Variants in EIF1 observed in about 807,000 individuals in gnomAD.
The protein encoded by EIF1 is eukaryotic translation initiation factor 1.
Under a neutral mutation model 13.7 loss-of-function variants are expected in EIF1, and 4 were observed. The observed-to-expected ratio is 0.29, with a 90% CI of 0.14 to 0.67. The LOEUF (loss-of-function observed/expected upper bound fraction) is 0.67, where lower values mean the gene tolerates loss of function less well. Ranked by LOEUF, EIF1 falls within the 30% of genes least tolerant of loss-of-function variation. EIF1 has a pLI of 0.77. For missense variants in EIF1, 64 were observed against 138.0 expected, an observed-to-expected ratio of 0.46 and a Z score of 2.69; for synonymous variants, 67 against 50.7, an observed-to-expected ratio of 1.32 and a Z score of -1.37.
Position 41,691,038 on chromosome 17 carries a change from C to A in EIF1, c.*212C>A. ...TGAAGTCCCTCATTTAAACAGAGGT[C>A]AAGCAATAGGCGCCTGGCAGTGTCA... On this transcript the variant is annotated 3_prime_UTR_variant, in exon 4 of 4. Coordinates refer to ENST00000469257, the MANE Select transcript of EIF1 (RefSeq NM_005801.4). 1 of 583,464 alleles carries A rather than the reference C, an allele frequency of 1.7e-6. No individual in the cohort carries two copies. The highest frequency in any genetic ancestry group is 2.2e-5 in the South Asian group (1 of 45,586). The allele number at this position is 583,464 out of a possible 1,614,324, so 36.1% of individuals were successfully genotyped here.
At chr17:41,689,515 C>T in intron 1 of EIF1, 1 of 473,330 alleles carries the variant, frequency 2.1e-6, no homozygotes, top group Non-Finnish European at 3.8e-6. Context: ...CTGGGTGGGG[C>T]ACCGCCTGGC....
chr17:41,689,192 C>A lies in EIF1; in HGVS notation c.31+123C>A, dbSNP rs566595196. On this transcript the variant is annotated intron_variant, in intron 1 of 3. Coordinates refer to ENST00000469257, the MANE Select transcript of EIF1 (RefSeq NM_005801.4). ...TAAGCTCGGGCAGGGGAAACTTGAC[C>A]AGGGTCGCAGGGCAGCGGGATCAAG... 3.6e-5 allele frequency: 41 copies of A among 1,134,056 alleles called. No individual in the cohort carries two copies. In the East Asian group the frequency reaches 8.5e-4, roughly 24 times the overall value. The allele number at this position is 1,134,056 out of a possible 1,614,324, so 70.2% of individuals were successfully genotyped here.
Position 41,692,045 on chromosome 17 carries a change from CTT to C in EIF1, c.*1220_*1221del, listed in dbSNP as rs1401379262. On this transcript the variant is annotated 3_prime_UTR_variant, in exon 4 of 4. Transcript: ENST00000469257. Reference sequence around the variant, plus strand: ...ACCTGGCCTCAAGTGATCTGCCTGTCTTGGCCTCCCAAAGTGCTGGGATTACA... The same window carrying C: ...ACCTGGCCTCAAGTGATCTGCCTGTCGGCCTCCCAAAGTGCTGGGATTACA... The C allele has an allele frequency of 2.6e-5, 4 of 152,478 alleles. No homozygotes were observed. In the East Asian group the frequency reaches 5.8e-4, roughly 22 times the overall value. The allele number at this position is 152,478 out of a possible 1,614,324, so 9.4% of individuals were successfully genotyped here. A position where few individuals can be genotyped will look rare whatever the true frequency, so the allele number is the denominator to read the frequency against.
rs1351087550 is a variant in EIF1, at chr17:41,688,902, G to A, written c.-137G>A. 3 of 840,106 alleles carry A rather than the reference G, an allele frequency of 3.6e-6. No homozygotes were observed. The highest frequency in any genetic ancestry group is 1.7e-5 in the African/African-American group (1 of 59,328). 52.0% of individuals were successfully genotyped at this position (840,106 alleles called of 1,614,324 possible). ...GCCCCTCTGCCCCAGTCACTGAGCC[G>A]CCGCCGAGGATTCAGCAGCCTCCCC... On this transcript the variant is annotated 5_prime_UTR_variant, in exon 1 of 4. Coordinates refer to ENST00000469257, the MANE Select transcript of EIF1 (RefSeq NM_005801.4).
At chr17:41,689,538 C>A in intron 1 of EIF1, 1 of 501,504 alleles carries the variant, frequency 2.0e-6, no homozygotes, top group Non-Finnish European at 3.5e-6. Flanking sequence ...CCCGGACTCC[C>A]CCGACATGTG....
At position 41,692,346 on chromosome 17, in the gene EIF1, T is replaced by C. The variant is rs1356540886; in HGVS notation, c.*1520T>C. 6.6e-6 allele frequency: 1 copy of C among 152,174 alleles called. No individual in the cohort carries two copies. The highest frequency in any genetic ancestry group is 2.1e-4 in the South Asian group (1 of 4,834). 9.4% of individuals were successfully genotyped at this position (152,174 alleles called of 1,614,324 possible). On this transcript the variant is annotated 3_prime_UTR_variant, in exon 4 of 4. Transcript: ENST00000469257. ...GTATTAGAAGGTTTAATGACAAGTATTTGAAGAGCTGAAGTTAAGTGTTGG... is the reference window on the plus strand; with the variant it reads ...GTATTAGAAGGTTTAATGACAAGTACTTGAAGAGCTGAAGTTAAGTGTTGG...
At position 41,689,875 on chromosome 17, in the gene EIF1, C is replaced by A; in HGVS notation, c.129C>A (p.Thr43=). The change falls in exon 2 of 4, where the codon ACC becomes ACA. Residue 43 remains threonine (T), a synonymous_variant. Coordinates refer to ENST00000469257, the MANE Select transcript of EIF1 (RefSeq NM_005801.4). Reference sequence around the variant, plus strand: ...TTCAACAGAGAAACGGCAGGAAGACCCTTACTACTGTCCAAGGGATCGCTG... The same window carrying A: ...TTCAACAGAGAAACGGCAGGAAGACACTTACTACTGTCCAAGGGATCGCTG... The part of the protein sequence containing the change: ...IRIQQRNGRK[T]LTTVQGIADD... 1 of 1,613,926 alleles carries A rather than the reference C, an allele frequency of 6.2e-7. No individual in the cohort carries two copies. The highest frequency in any genetic ancestry group is 8.5e-7 in the Non-Finnish European group (1 of 1,179,926).
Position 41,688,938 on chromosome 17 carries a change from C to T in EIF1, c.-101C>T, listed in dbSNP as rs879522342. ...TTCAGCAGCCTCCCCCTTGAGCCCC[C>T]TCGCTTCCCGACGTTCCGTTCCCCC... is the stretch of plus-strand genomic sequence containing the variant. On this transcript the variant is annotated 5_prime_UTR_variant, in exon 1 of 4. Transcript: ENST00000469257. 1.3e-4 allele frequency: 173 copies of T among 1,285,524 alleles called. No homozygotes were observed. Among genetic ancestry groups the T allele is most frequent in the Admixed American group, 2.6e-4 (14 of 53,112 alleles). The allele number at this position is 1,285,524 out of a possible 1,614,324, so 79.6% of individuals were successfully genotyped here. A position where few individuals can be genotyped will look rare whatever the true frequency, so the allele number is the denominator to read the frequency against.
rs1343017009 is a variant in EIF1, at chr17:41,690,399, A to G, written c.297+210A>G. 1.0e-5 allele frequency: 6 copies of G among 574,728 alleles called. No homozygotes were observed. The East Asian group carries it at 1.5e-4, about 14-fold the overall frequency. 35.6% of individuals were successfully genotyped at this position (574,728 alleles called of 1,614,324 possible). On this transcript the variant is annotated intron_variant, in intron 3 of 3. Coordinates refer to ENST00000469257, the MANE Select transcript of EIF1 (RefSeq NM_005801.4). ...TTTACTGTTTCTGTGGATCTACTTC[A>G]CAGATGCAAATTTGAATAGCATATA...
Position 41,688,916 on chromosome 17 carries a change from A to G in EIF1, c.-123A>G. On this transcript the variant is annotated 5_prime_UTR_variant, in exon 1 of 4. Coordinates refer to ENST00000469257, the MANE Select transcript of EIF1 (RefSeq NM_005801.4). ...GTCACTGAGCCGCCGCCGAGGATTC[A>G]GCAGCCTCCCCCTTGAGCCCCCTCG... The G allele has an allele frequency of 6.1e-6, 6 of 975,648 alleles. No homozygotes were observed. Among genetic ancestry groups the G allele is most frequent in the South Asian group, 1.4e-5 (1 of 70,206 alleles). 60.4% of individuals were successfully genotyped at this position (975,648 alleles called of 1,614,324 possible).
intron 3 of EIF1, chr17:41,690,438 A>G: frequency 3.6e-6 from 2 of 555,230 alleles, no homozygotes; most frequent in Admixed American, 3.5e-5. Context: ...GCATTGTAAA[A>G]TAAGCCAAAT....
Position 41,688,918 on chromosome 17 carries a change from C to A in EIF1, c.-121C>A. On this transcript the variant is annotated 5_prime_UTR_variant, in exon 1 of 4. Transcript: ENST00000469257. Reference sequence around the variant, plus strand: ...CACTGAGCCGCCGCCGAGGATTCAGCAGCCTCCCCCTTGAGCCCCCTCGCT... The same window carrying A: ...CACTGAGCCGCCGCCGAGGATTCAGAAGCCTCCCCCTTGAGCCCCCTCGCT... The A allele has an allele frequency of 5.1e-6, 5 of 989,552 alleles. No individual in the cohort carries two copies. Among genetic ancestry groups the A allele is most frequent in the Non-Finnish European group, 7.7e-6 (5 of 653,236 alleles). 61.3% of individuals were successfully genotyped at this position (989,552 alleles called of 1,614,324 possible).
intron 3 of EIF1, 44 bp from the exon 4 acceptor site, chr17:41,690,738 T>A: frequency 6.2e-7 from 1 of 1,609,328 alleles, no homozygotes; most frequent in Non-Finnish European, 8.5e-7. Flanking sequence ...AGGCTTTAAC[T>A]CTCCCTGTCC....
rs548979045 is a variant in EIF1 at position 41,688,946 on chromosome 17, C to G, written c.-93C>G. On this transcript the variant is annotated 5_prime_UTR_variant, in exon 1 of 4. Coordinates refer to ENST00000469257, the MANE Select transcript of EIF1 (RefSeq NM_005801.4). The stretch of plus-strand genomic sequence containing the variant: ...CCTCCCCCTTGAGCCCCCTCGCTTC[C>G]CGACGTTCCGTTCCCCCCTGCCCGC... 2.2e-6 allele frequency: 3 copies of G among 1,380,824 alleles called. No homozygotes were observed. Among genetic ancestry groups the G allele is most frequent in the African/African-American group, 2.8e-5 (2 of 70,756 alleles). 85.5% of individuals were successfully genotyped at this position (1,380,824 alleles called of 1,614,324 possible). A position where few individuals can be genotyped will look rare whatever the true frequency, so the allele number is the denominator to read the frequency against.
intron 3 of EIF1, chr17:41,690,418 G>A (rs1910337538): frequency 7.1e-6 from 4 of 561,122 alleles, no homozygotes; most frequent in South Asian, 4.8e-5. Flanking sequence ...AATTTGAATA[G>A]CATATAGATG....
In EIF1 at chr17:41,689,108, C is replaced by G. The variant is rs377348632; in HGVS notation, c.31+39C>G. Reference sequence around the variant, plus strand: ...AAGGTCGCGGGCCCGGGTGGGGCAGCGGGGCCTTCCGGGCCCGGAGACGTG... The same window carrying G: ...AAGGTCGCGGGCCCGGGTGGGGCAGGGGGGCCTTCCGGGCCCGGAGACGTG... On this transcript the variant is annotated intron_variant, in intron 1 of 3. Transcript: ENST00000469257. The G allele has an allele frequency of 5.0e-6, 8 of 1,608,212 alleles. No individual in the cohort carries two copies. In the African/African-American group the frequency reaches 1.1e-4, roughly 22 times the overall value.
rs911852605 is a variant in EIF1 at position 41,691,050 on chromosome 17, G to A, written c.*224G>A. The A allele has an allele frequency of 5.4e-5, 31 of 573,528 alleles. No individual in the cohort carries two copies. The highest frequency in any genetic ancestry group is 4.7e-4 in the Middle Eastern group (1 of 2,138). 35.5% of individuals were successfully genotyped at this position (573,528 alleles called of 1,614,324 possible). A position where few individuals can be genotyped will look rare whatever the true frequency, so the allele number is the denominator to read the frequency against. ...TTTAAACAGAGGTCAAGCAATAGGC[G>A]CCTGGCAGTGTCAAGCCTGAAACCA... On this transcript the variant is annotated 3_prime_UTR_variant, in exon 4 of 4. Transcript: ENST00000469257.
At chr17:41,689,405 G>T (rs1910301099) in intron 1 of EIF1, 1 of 518,058 alleles carries the variant, frequency 1.9e-6, no homozygotes, top group Non-Finnish European at 3.4e-6. Flanking sequence ...CGGATCCGGA[G>T]GGAAAGGCGG....
At position 41,688,975 on chromosome 17, in the gene EIF1, C is replaced by T. The variant is rs1910280541; in HGVS notation, c.-64C>T. 3 of 1,580,494 alleles carry T rather than the reference C, an allele frequency of 1.9e-6. No homozygotes were observed. The highest frequency in any genetic ancestry group is 2.2e-5 in the East Asian group (1 of 44,638). On this transcript the variant is annotated 5_prime_UTR_variant, in exon 1 of 4. Coordinates refer to ENST00000469257, the MANE Select transcript of EIF1 (RefSeq NM_005801.4). ...CGTTCCGTTCCCCCCTGCCCGCCTT[C>T]TCCCGCCACCGCCGCCGCCGCCTTC...
Sources: allele counts gnomAD v4.1 joint callset, GRCh38; gene constraint gnomAD v4.1.1; transcripts MANE v1.5; gene names NCBI Gene and HGNC (gene_info 2026-07-23, HGNC 2026-07-21).